The following GPR146 variants were observed in gnomAD, a reference collection of about 807,000 sequenced individuals.
GPR146 encodes the protein G-protein coupled receptor 146.
For missense variants in GPR146, 381 were observed against 213.9 expected, an observed-to-expected ratio of 1.78 and a Z score of -4.87; for synonymous variants, 203 against 104.3, an observed-to-expected ratio of 1.95 and a Z score of -5.77.
At chr7:1,044,817 C>T (rs999389013) in intron 1 of GPR146, among the ~76,000 whole-genome samples, 159 bp downstream of exon 1, 5 of 152,326 alleles carry the variant, frequency 3.3e-5, no homozygotes, top group South Asian at 2.1e-4. Context: ...GCTCCGTGCC[C>T]TTGCCAGGAG....
intron 1 of GPR146, chr7:1,055,377 C>T (rs762167418): frequency 6.4e-6 from 3 of 470,406 alleles, no homozygotes; most frequent in South Asian, 1.5e-5. Flanking sequence ...AGCGCAGCAG[C>T]GCGCAGGTCC....
chr7:1,049,530 A>G (rs1782897621), intron 1 of GPR146, among the ~76,000 whole-genome samples: 1 of 152,218 alleles, frequency 6.6e-6, no homozygotes, highest in Non-Finnish European at 1.5e-5. Flanking sequence ...CCCGCTCCAG[A>G]GCCCAGGCCC....
chr7:1,056,713 G>A (rs1783815645), intron 1 of GPR146: 1 of 152,238 alleles, frequency 6.6e-6, no homozygotes, highest in Non-Finnish European at 1.5e-5. Context: ...TCTTGCCTCC[G>A]GGCATGGGAA....
intron 1 of GPR146, among the ~76,000 whole-genome samples, chr7:1,050,320 G>A (rs1027265047): frequency 1.3e-5 from 2 of 152,256 alleles, no homozygotes; most frequent in Non-Finnish European, 2.9e-5. Context: ...CAGATCCCCA[G>A]GGCATTTGCT....
chr7:1,048,505 G>A (rs1478514800), intron 1 of GPR146, among the ~76,000 whole-genome samples: 1 of 152,052 alleles, frequency 6.6e-6, no homozygotes, highest in Non-Finnish European at 1.5e-5. Context: ...CCCACACTCA[G>A]GCCCCCTCTG....
At chr7:1,055,597 AG>A in intron 1 of GPR146, 1 of 374,262 alleles carries the variant, frequency 2.7e-6, no homozygotes. Flanking sequence ...GAGAGGACGC[AG>A]GGGGTTCTGT....
At chr7:1,053,814 G>A (rs551712769) in intron 1 of GPR146, among the ~76,000 whole-genome samples, 15 of 152,266 alleles carry the variant, frequency 9.9e-5, no homozygotes, top group African/African-American at 2.6e-4. Flanking sequence ...GCAACAGAGC[G>A]AGACTCCATC....
chr7:1,054,130 A>G (rs1783468405), intron 1 of GPR146, among the ~76,000 whole-genome samples: 1 of 152,192 alleles, frequency 6.6e-6, no homozygotes, highest in Non-Finnish European at 1.5e-5. Flanking sequence ...GAGCCCACGG[A>G]GCAGCCCGCC....
intron 1 of GPR146, among the ~76,000 whole-genome samples, chr7:1,049,348 G>A (rs576149920): frequency 1.3e-5 from 2 of 152,222 alleles, no homozygotes; most frequent in African/African-American, 2.4e-5. Context: ...AGCAAGTGCC[G>A]GCACCCTCTT....
chr7:1,048,426 GCT>G (rs1563045541), intron 1 of GPR146, among the ~76,000 whole-genome samples: 2 of 151,734 alleles, frequency 1.3e-5, no homozygotes, highest in Non-Finnish European at 2.9e-5. Context: ...GCGCTATGAT[GCT>G]CTCTCTCTCT....
intron 1 of GPR146, among the ~76,000 whole-genome samples, chr7:1,054,443 C>T (rs533343364): frequency 4.6e-5 from 7 of 152,346 alleles, no homozygotes; most frequent in South Asian, 4.1e-4. Context: ...ACCTGGAGGC[C>T]GGCGTTCCCA....
At chr7:1,054,311 CATT>C (rs1783493027) in intron 1 of GPR146, among the ~76,000 whole-genome samples, 2 of 152,260 alleles carry the variant, frequency 1.3e-5, no homozygotes, top group South Asian at 2.1e-4. Flanking sequence ...CCATCCTCAT[CATT>C]GATACCTGGT....
intron 1 of GPR146, among the ~76,000 whole-genome samples, chr7:1,049,251 C>A (rs1016901333): frequency 1.3e-5 from 2 of 152,268 alleles, no homozygotes; most frequent in Non-Finnish European, 2.9e-5. Context: ...CAAAAGGTCA[C>A]AGAACAGCTT....
rs1156645924 is a variant in GPR146, at chr7:1,058,710, G to A, written c.*193G>A. 1.2e-5 allele frequency: 7 copies of A among 600,544 alleles called. No homozygotes were observed. Among genetic ancestry groups the A allele is most frequent in the Non-Finnish European group, 2.1e-5 (7 of 329,806 alleles). The allele number at this position is 600,544 out of a possible 1,614,324, so 37.2% of individuals were successfully genotyped here. A position where few individuals can be genotyped will look rare whatever the true frequency, so the allele number is the denominator to read the frequency against. ...GCTGTGGTCCCCGTGGCTGGCATCT[G>A]GCTTGAGTCTCCCCGAGGCCTGTGC... On this transcript the variant is annotated 3_prime_UTR_variant, in exon 2 of 2. Transcript: ENST00000444847.
chr7:1,053,728 G>A (rs1456018333), intron 1 of GPR146, among the ~76,000 whole-genome samples: 2 of 152,342 alleles, frequency 1.3e-5, no homozygotes, highest in Middle Eastern at 3.4e-3. Context: ...TCGGGAGGCT[G>A]AGGCAGGAGA....
intron 1 of GPR146, among the ~76,000 whole-genome samples, chr7:1,053,340 A>AACCTTGCGCAGGGC (rs1204343937): frequency 1.3e-5 from 2 of 152,196 alleles, no homozygotes; most frequent in African/African-American, 4.8e-5. Context: ...TAGAGCCCAG[A>AACCTTGCGCAGGGC]ACCTTGCGCA....
At chr7:1,050,475 A>G (rs988382173) in intron 1 of GPR146, among the ~76,000 whole-genome samples, 2 of 152,150 alleles carry the variant, frequency 1.3e-5, no homozygotes, top group Non-Finnish European at 2.9e-5. Flanking sequence ...GGAGTCTGGC[A>G]CTTTTTGGCT....
chr7:1,056,136 C>G (rs1475640619), intron 1 of GPR146: 2 of 154,178 alleles, frequency 1.3e-5, no homozygotes, highest in African/African-American at 4.8e-5. Context: ...GCTGGCCCGG[C>G]GAGTGGAGCC....
chr7:1,047,260 C>T (rs1782669304), intron 1 of GPR146, among the ~76,000 whole-genome samples: 1 of 152,214 alleles, frequency 6.6e-6, no homozygotes, highest in African/African-American at 2.4e-5. Flanking sequence ...CAGAGCCCGT[C>T]CTGGAGCCGC....
Sources: gnomAD v4.1 joint callset for allele counts (sites outside exome capture counted in the v4.1 genomes callset) on GRCh38, gnomAD v4.1.1 for gene constraint, MANE v1.5 for transcripts, NCBI Gene and HGNC (gene_info 2026-07-23, HGNC 2026-07-21) for gene names.